The following NDE1 variants were observed in gnomAD, a reference collection of about 807,000 sequenced individuals.
The protein encoded by NDE1 is nuclear distribution protein nudE homolog 1.
In NDE1, 28 loss-of-function variants were observed where a neutral mutation model predicts 43.4. The observed-to-expected ratio is 0.65, with a 90% CI of 0.48 to 0.89. The LOEUF is 0.89. NDE1 is among the 40% of genes least tolerant of loss of function. The pLI, the probability that NDE1 is intolerant of heterozygous loss-of-function variation, is 0.00. For synonymous variants in NDE1, 184 were observed against 172.0 expected (o/e 1.07, Z -0.55); for missense variants, 441 against 434.1 (o/e 1.02, Z -0.14).
At chr16:15,674,780 C>T (rs146778516) in intron 3 of NDE1, among the ~76,000 whole-genome samples, 2 of 151,950 alleles carry the variant, frequency 1.3e-5, no homozygotes, top group East Asian at 2.0e-4. Context: ...GATGCAATCA[C>T]GGCTCACTGC....
rs774511118 is a variant in NDE1 at position 15,714,923 on chromosome 16, G to C, written c.948-9268G>C. On this transcript the variant is annotated intron_variant, in intron 8 of 8. Transcript: ENST00000396354. ...GGGCTCCTCACCTGAGCTTGCTCTTGAGTGCGTTCACCTCGCGGCCCATGG... is the reference window on the plus strand; with the variant it reads ...GGGCTCCTCACCTGAGCTTGCTCTTCAGTGCGTTCACCTCGCGGCCCATGG... 15 of 1,613,862 alleles carry C rather than the reference G, an allele frequency of 9.3e-6. No homozygotes were observed. The highest frequency in any genetic ancestry group is 1.3e-5 in the Non-Finnish European group (15 of 1,180,036).
intron 8 of NDE1, among the ~76,000 whole-genome samples, chr16:15,707,945 G>A (rs2039548740): frequency 1.5e-5 from 2 of 133,682 alleles, no homozygotes; most frequent in Non-Finnish European, 3.1e-5. Flanking sequence ...GCACTCCAGA[G>A]CGAGACTCCG....
At chr16:15,652,621 A>G (rs1309800518) in intron 1 of NDE1, among the ~76,000 whole-genome samples, 1 of 152,294 alleles carries the variant, frequency 6.6e-6, no homozygotes, top group East Asian at 1.9e-4. Flanking sequence ...CAGTAGAATA[A>G]AATTATCCTG....
intron 8 of NDE1, chr16:15,713,629 G>A (rs2039946667): frequency 6.6e-6 from 1 of 152,254 alleles, no homozygotes; most frequent in African/African-American, 2.4e-5. Context: ...CTGAGTAGCT[G>A]GGATTTTAGG....
chr16:15,650,332 C>T, intron 1 of NDE1, 38 bp downstream of exon 1: 1 of 242,250 alleles, frequency 4.1e-6, no homozygotes, highest in South Asian at 3.4e-5. Context: ...GTCGGGGTGG[C>T]TGTCCGGGGA....
At position 15,725,397 on chromosome 16, in the gene NDE1, C is replaced by G. The variant is rs537326934; in HGVS notation, c.*1146C>G. On this transcript the variant is annotated 3_prime_UTR_variant, in exon 9 of 9. Transcript: ENST00000396354. ...CTCTCTAAGGCTGGAGAAGGGAGAC[C>G]AGGATGGTACTTGAACGTCCCAGGG... 5.8e-6 allele frequency: 3 copies of G among 519,338 alleles called. No homozygotes were observed. The highest frequency in any genetic ancestry group is 5.8e-5 in the African/African-American group (3 of 52,050). 32.2% of individuals were successfully genotyped at this position (519,338 alleles called of 1,614,324 possible).
At chr16:15,692,741 CATT>C (rs576420531) in intron 6 of NDE1, among the ~76,000 whole-genome samples, 20 of 150,722 alleles carry the variant, frequency 1.3e-4, no homozygotes, top group Non-Finnish European at 2.5e-4. Context: ...TACTTTATTT[CATT>C]GTTGTTTTTA....
Position 15,694,256 on chromosome 16 carries a change from G to T in NDE1, c.795G>T (p.Gly265=). 1 of 1,613,384 alleles carries T rather than the reference G, an allele frequency of 6.2e-7. No homozygotes were observed. Residue 265 remains glycine, a splice_region_variant and synonymous_variant, in exon 7 of 9, where the codon GGG becomes GGT. Transcript: ENST00000396354. Reference sequence around the variant, plus strand: ...TGGGAGACCTACTGCGGAAAGTCGGGGTAAGACCACACTTTCCTGGCGTTT... The same window carrying T: ...TGGGAGACCTACTGCGGAAAGTCGGTGTAAGACCACACTTTCCTGGCGTTT... ...NIVGDLLRKV[G]ALESKLASCR... is the part of the protein sequence containing the mutation.
intron 8 of NDE1, chr16:15,704,209 G>C (rs1361503136): frequency 7.2e-6 from 11 of 1,520,866 alleles, no homozygotes; most frequent in Non-Finnish European, 9.0e-6. Context: ...TAAACTTGTA[G>C]CTATAGTCCT....
At chr16:15,694,463 A>C (rs1433410589) in intron 7 of NDE1, 3 of 1,350,350 alleles carry the variant, frequency 2.2e-6, no homozygotes, top group Non-Finnish European at 3.0e-6. Context: ...CTCTCACCTT[A>C]GCTTCCCGAG....
intron 8 of NDE1, among the ~76,000 whole-genome samples, chr16:15,708,256 C>T (rs2039574510): frequency 6.6e-6 from 1 of 152,192 alleles, no homozygotes; most frequent in African/African-American, 2.4e-5. Flanking sequence ...GCAGACAAGC[C>T]TGTGAAAGCT....
At chr16:15,652,999 C>CT (rs2036579278) in intron 1 of NDE1, among the ~76,000 whole-genome samples, 1 of 152,104 alleles carries the variant, frequency 6.6e-6, no homozygotes, top group Non-Finnish European at 1.5e-5. Flanking sequence ...TCTATGCTTA[C>CT]TGTATATATG....
At chr16:15,672,635 G>A (rs1030778279) in intron 3 of NDE1, 8 of 152,204 alleles carry the variant, frequency 5.3e-5, no homozygotes, top group South Asian at 2.1e-4. Flanking sequence ...CAGCTTATTC[G>A]AATTAGCCCC....
chr16:15,695,049 G>A (rs918287718), intron 7 of NDE1: 1 of 290,024 alleles, frequency 3.4e-6, no homozygotes, highest in Non-Finnish European at 5.1e-6. Context: ...CAGGCCTGAT[G>A]GTGTACACTG....
chr16:15,678,980 G>T (rs1205880073), intron 4 of NDE1, among the ~76,000 whole-genome samples: 1 of 152,048 alleles, frequency 6.6e-6, no homozygotes, highest in Non-Finnish European at 1.5e-5. Flanking sequence ...GGAGGCTGAG[G>T]CAGGAGAATG....
chr16:15,705,984 C>CAAAAAAAAAAAAAAAAAAAAAAAAA (rs57451847), intron 8 of NDE1, among the ~76,000 whole-genome samples: 1 of 56,764 alleles, frequency 1.8e-5, no homozygotes, highest in Non-Finnish European at 2.8e-5. Context: ...GACTCCGTCT[C>CAAAAAAAAAAAAAAAAAAAAAAAAA]AAAAAAAAAA....
chr16:15,704,053 C>G lies in NDE1; in HGVS notation c.947+7193C>G, dbSNP rs776407200. 6.2e-7 allele frequency: 1 copy of G among 1,614,128 alleles called. No homozygotes were observed. The highest frequency in any genetic ancestry group is 8.5e-7 in the Non-Finnish European group (1 of 1,180,022). ...CGAGTGTCCGTTTCCTCCTCAGAAC[C>G]ATCTGCATTTTCAATAACTCTACGT... On this transcript the variant is annotated intron_variant, in intron 8 of 8. Coordinates refer to ENST00000396354, the MANE Select transcript of NDE1 (RefSeq NM_017668.3).
chr16:15,718,291 CTG>C (rs2040276011), intron 8 of NDE1: 5 of 1,607,202 alleles, frequency 3.1e-6, no homozygotes, highest in African/African-American at 1.3e-5. Flanking sequence ...GGCAGCGTGA[CTG>C]TGGTGTCCAG....
At chr16:15,654,621 A>G (rs374813866) in intron 1 of NDE1, among the ~76,000 whole-genome samples, 1 of 149,972 alleles carries the variant, frequency 6.7e-6, no homozygotes, top group East Asian at 1.9e-4. Flanking sequence ...AAAAAACAAA[A>G]AAAAAAAAAA....
Sources: gnomAD v4.1 joint callset for allele counts (sites outside exome capture counted in the v4.1 genomes callset) on GRCh38, gnomAD v4.1.1 for gene constraint, MANE v1.5 for transcripts, NCBI Gene and HGNC (gene_info 2026-07-23, HGNC 2026-07-21) for gene names.